The following CRB1 variants were observed in gnomAD, a reference collection of about 807,000 sequenced individuals.
CRB1 encodes the protein protein crumbs homolog 1.
Under a neutral mutation model 120.0 loss-of-function variants are expected in CRB1, and 83 were observed. That is an observed-to-expected ratio of 0.69 (90% CI 0.58 to 0.83). The LOEUF (loss-of-function observed/expected upper bound fraction) is 0.83, where lower values mean the gene tolerates loss of function less well. CRB1 is among the 40% of genes least tolerant of loss of function. CRB1 has a pLI of 0.00. For synonymous variants in CRB1, 625 were observed against 612.5 expected, an observed-to-expected ratio of 1.02 and a Z score of -0.30; for missense variants, 1,699 against 1,687.6, an observed-to-expected ratio of 1.01 and a Z score of -0.12.
chr1:197,297,090 G>A (rs1417805915), intron 1 of CRB1, among the ~76,000 whole-genome samples: 1 of 151,640 alleles, frequency 6.6e-6, no homozygotes, highest in African/African-American at 2.4e-5. Flanking sequence ...TGCTATATTG[G>A]GCTTTTCTAA....
At chr1:197,277,194 A>C (rs538152784) in intron 1 of CRB1, among the ~76,000 whole-genome samples, 1 of 151,970 alleles carries the variant, frequency 6.6e-6, no homozygotes, top group African/African-American at 2.4e-5. Context: ...TTCAACCACT[A>C]TCCCATTCTT....
chr1:197,379,908 T>G (rs1164049200), intron 5 of CRB1, among the ~76,000 whole-genome samples: 1 of 152,204 alleles, frequency 6.6e-6, no homozygotes, highest in Non-Finnish European at 1.5e-5. Flanking sequence ...TAACAAAATT[T>G]TTATAACTGT....
At position 197,328,551 on chromosome 1, in the gene CRB1, G is replaced by C. The variant is rs749112809; in HGVS notation, c.200G>C (p.Cys67Ser). The C allele has an allele frequency of 5.0e-6, 8 of 1,614,078 alleles. No individual in the cohort carries two copies. The African/African-American group carries it at 1.1e-4, about 22-fold the overall frequency. The change falls in exon 2 of 12, where the codon TGT becomes TCT. Residue 67 changes from cysteine (C) to serine (S), a missense_variant. By Grantham distance (112) the Cys-to-Ser change is moderately radical. Transcript: ENST00000367400. ...SDTANNLDKD[C>S]DNMKDPCFSN... The stretch of plus-strand genomic sequence containing the variant: ...ACAGCCAATAATTTGGACAAAGACT[G>C]TGACAACATGAAAGACCCTTGCTTC...
At chr1:197,437,225 T>C (rs1665207523) in intron 9 of CRB1, among the ~76,000 whole-genome samples, 1 of 152,144 alleles carries the variant, frequency 6.6e-6, no homozygotes, top group African/African-American at 2.4e-5. Flanking sequence ...CTTAATTGCA[T>C]GAATCTCCTA....
intron 10 of CRB1, 197 bp from the exon 11 acceptor site, chr1:197,441,969 T>A: frequency 1.5e-6 from 1 of 647,238 alleles, no homozygotes; most frequent in South Asian, 1.8e-5. Context: ...TGTGTACAGA[T>A]TATTTCCATT....
chr1:197,332,698 A>G (rs1658934925), intron 2 of CRB1, among the ~76,000 whole-genome samples: 1 of 152,194 alleles, frequency 6.6e-6, no homozygotes, highest in African/African-American at 2.4e-5. Context: ...CTCAGACTCT[A>G]CTTCCAGAGG....
At chr1:197,446,945 G>C (rs1361381721) in intron 11 of CRB1, among the ~76,000 whole-genome samples, 2 of 152,048 alleles carry the variant, frequency 1.3e-5, no homozygotes, top group Non-Finnish European at 2.9e-5. Context: ...ATATATTTGG[G>C]ATATATATTA....
At position 197,477,800 on chromosome 1, in the gene CRB1, C is replaced by T. The variant is rs1667264651; in HGVS notation, c.4142C>T (p.Pro1381Leu). ...AGGGCAACTCAGGGAACCTACAGCC[C>T]CAGCCGTCAGGAGAAGGAGGGCTCC... ...NKRATQGTYS[P>L]SRQEKEGSRV... The change falls in exon 12 of 12, where the codon CCC (proline) becomes CTC (leucine). Residue 1381 changes from proline (P) to leucine (L), a missense_variant. Coordinates refer to ENST00000367400, the MANE Select transcript of CRB1 (RefSeq NM_201253.3). 3 of 1,613,852 alleles carry T rather than the reference C, an allele frequency of 1.9e-6. No homozygotes were observed. Among genetic ancestry groups the T allele is most frequent in the Non-Finnish European group, 1.7e-6 (2 of 1,179,880 alleles).
In CRB1 at chr1:197,328,866, G is replaced by T. The variant is rs756931963; in HGVS notation, c.515G>T (p.Cys172Phe). 4 of 1,614,210 alleles carry T rather than the reference G, an allele frequency of 2.5e-6. No individual in the cohort carries two copies. Among genetic ancestry groups the T allele is most frequent in the Non-Finnish European group, 3.4e-6 (4 of 1,180,034 alleles). The change falls in exon 2 of 12, where the codon TGC (cysteine) becomes TTC (phenylalanine). Residue 172 changes from cysteine (C) to phenylalanine (F), a missense_variant. Transcript: ENST00000367400. ...CAGGATGGAATTGATGGTTACTCCT[G>T]CTTCTGTGTCCCAGGATATCAAGGC... is the stretch of plus-strand genomic sequence containing the variant. Reference protein sequence around the residue: ...VCQDGIDGYSCFCVPGYQGRH... With the variant: ...VCQDGIDGYSFFCVPGYQGRH...
chr1:197,402,713 T>C (rs955051323), intron 5 of CRB1, among the ~76,000 whole-genome samples: 45 of 152,200 alleles, frequency 3.0e-4, no homozygotes, highest in African/African-American at 1.1e-3. Context: ...ACAGATGCAG[T>C]TTTAAAATTT....
At chr1:197,428,856 A>T (rs1241892059) in intron 7 of CRB1, 2 of 1,020,070 alleles carry the variant, frequency 2.0e-6, no homozygotes, top group Non-Finnish European at 2.8e-6. Flanking sequence ...TTAATAGTAG[A>T]CCCAGGACAA....
chr1:197,239,530 A>T, the CRB1 span, among the ~76,000 whole-genome samples: 1 of 152,022 alleles, frequency 6.6e-6, no homozygotes, highest in Non-Finnish European at 1.5e-5. Flanking sequence ...TGTTTAAGTG[A>T]TATATCTCTT....
the CRB1 span, among the ~76,000 whole-genome samples, chr1:197,243,850 GT>G: frequency 6.6e-6 from 1 of 152,090 alleles, no homozygotes; most frequent in Non-Finnish European, 1.5e-5. Context: ...TATGAATCTT[GT>G]TGCTCATGTA....
intron 2 of CRB1, among the ~76,000 whole-genome samples, chr1:197,342,412 T>A (rs1016665282): frequency 2.0e-5 from 3 of 152,196 alleles, no homozygotes; most frequent in Admixed American, 6.5e-5. Context: ...CATTCTTGTT[T>A]TTGACCTTCA....
rs541212933 is a variant in CRB1, at chr1:197,432,603, G to C, written c.2843-2103G>C. Among the ~76,000 whole-genome samples the C allele has an allele frequency of 2.0e-5, 3 of 152,088 alleles. No homozygotes were observed. The South Asian group carries it at 6.2e-4, about 32-fold the overall frequency. On this transcript the variant is annotated intron_variant, in intron 8 of 11. Transcript: ENST00000367400. ...CCTACTATACATCAGGGACACACAG[G>C]CTTAGGCATAAGGATTTAGTGATAA...
At chr1:197,309,623 A>G (rs754220412) in intron 1 of CRB1, among the ~76,000 whole-genome samples, 19 of 152,114 alleles carry the variant, frequency 1.2e-4, no homozygotes, top group South Asian at 1.0e-3. Flanking sequence ...GCGTGGTGGC[A>G]GGCGCCTGTA....
chr1:197,389,681 T>G (rs1662395502), intron 5 of CRB1, among the ~76,000 whole-genome samples: 1 of 151,716 alleles, frequency 6.6e-6, no homozygotes, highest in Non-Finnish European at 1.5e-5. Context: ...TGATGAAATG[T>G]CAATTTTATG....
chr1:197,235,614 C>A, the CRB1 span, among the ~76,000 whole-genome samples: 1 of 152,110 alleles, frequency 6.6e-6, no homozygotes, highest in Admixed American at 6.5e-5. Flanking sequence ...GCGAAACCAC[C>A]CACTGAGTGT....
At chr1:197,251,059 T>C in the CRB1 span, among the ~76,000 whole-genome samples, 3 of 152,036 alleles carry the variant, frequency 2.0e-5, no homozygotes, top group Admixed American at 6.6e-5. Context: ...GACATCATGA[T>C]ACTTTCCATA....
Sources: gnomAD v4.1 joint callset for allele counts (sites outside exome capture counted in the v4.1 genomes callset) on GRCh38, gnomAD v4.1.1 for gene constraint, MANE v1.5 for transcripts, NCBI Gene and HGNC (gene_info 2026-07-23, HGNC 2026-07-21) for gene names.